The following STPG2 variants were observed in gnomAD, a reference collection of about 807,000 sequenced individuals.
STPG2 encodes sperm-tail PG-rich repeat-containing protein 2.
STPG2 carries 56 observed loss-of-function variants against 54.2 expected under a neutral mutation model. The ratio of observed to expected loss-of-function variants is 1.03; its 90% CI spans 0.83 to 1.29. The LOEUF is 1.29. Among genes scored for constraint, STPG2 ranks in the 50% most tolerant of loss-of-function variants. The probability of loss-of-function intolerance (pLI) is 0.00; values close to 1 mark genes in which losing one functional copy is unlikely to be tolerated. For synonymous variants in STPG2, 200 were observed against 181.8 expected, an observed-to-expected ratio of 1.10 and a Z score of -0.81; for missense variants, 596 against 544.9, an observed-to-expected ratio of 1.09 and a Z score of -0.93.
intron 9 of STPG2, among the ~76,000 whole-genome samples, chr4:97,824,689 T>C (rs1483935498): frequency 1.3e-5 from 2 of 151,610 alleles, no homozygotes; most frequent in African/African-American, 4.9e-5. Context: ...CATGAAATAG[T>C]CAGCCCTAAA....
intron 8 of STPG2, among the ~76,000 whole-genome samples, chr4:97,924,352 C>A (rs780817022): frequency 3.9e-5 from 6 of 152,162 alleles, no homozygotes; most frequent in Admixed American, 1.3e-4. Context: ...TGGAAAATGC[C>A]TTTTCCTCTA....
chr4:97,928,766 A>G (rs1211926501), intron 8 of STPG2, among the ~76,000 whole-genome samples: 1 of 152,222 alleles, frequency 6.6e-6, no homozygotes, highest in Non-Finnish European at 1.5e-5. Flanking sequence ...TATGGAACAT[A>G]TACTATCTCC....
intron 10 of STPG2, among the ~76,000 whole-genome samples, chr4:97,664,652 C>G (rs1161433161): frequency 6.6e-6 from 1 of 151,782 alleles, no homozygotes; most frequent in African/African-American, 2.4e-5. Context: ...CCACAGTTTT[C>G]AATTGTGTAT....
chr4:97,911,623 G>T (rs750155103), intron 8 of STPG2, among the ~76,000 whole-genome samples: 41 of 152,192 alleles, frequency 2.7e-4, no homozygotes, highest in Admixed American at 5.2e-4. Context: ...CTCCTCACCA[G>T]GCAAGTCCTT....
At chr4:97,943,566 T>C (rs989865818) in intron 8 of STPG2, among the ~76,000 whole-genome samples, 1 of 152,266 alleles carries the variant, frequency 6.6e-6, no homozygotes, top group Non-Finnish European at 1.5e-5. Flanking sequence ...GAGAAAACAT[T>C]TGCACTATGA....
chr4:97,726,842 TACAC>T (rs375476697), intron 9 of STPG2, among the ~76,000 whole-genome samples: 7 of 149,284 alleles, frequency 4.7e-5, no homozygotes, highest in Admixed American at 1.3e-4. Flanking sequence ...AATACAAACA[TACAC>T]ACACACACAC....
chr4:97,996,948 C>G (rs1343110326), intron 5 of STPG2, among the ~76,000 whole-genome samples: 3 of 152,124 alleles, frequency 2.0e-5, no homozygotes, highest in Non-Finnish European at 2.9e-5. Flanking sequence ...CAGATGCAGG[C>G]AAGGTGGCAG....
At chr4:97,462,951 T>C (rs1330852313) in intron 4 of STPG2, among the ~76,000 whole-genome samples, 1 of 152,146 alleles carries the variant, frequency 6.6e-6, no homozygotes, top group African/African-American at 2.4e-5. Flanking sequence ...ATTATGATTT[T>C]TAAAAATTTC....
chr4:97,901,473 A>C (rs1231992507), intron 8 of STPG2, among the ~76,000 whole-genome samples: 2 of 152,018 alleles, frequency 1.3e-5, no homozygotes, highest in African/African-American at 4.8e-5. Flanking sequence ...AGTTACAACT[A>C]ATAATACAGT....
chr4:97,604,806 T>C (rs1733553299), intron 10 of STPG2, among the ~76,000 whole-genome samples: 1 of 151,790 alleles, frequency 6.6e-6, no homozygotes, highest in Non-Finnish European at 1.5e-5. Context: ...CCAAACATAC[T>C]AAGTATCTGA....
intron 8 of STPG2, among the ~76,000 whole-genome samples, chr4:97,899,933 A>G (rs2149184624): frequency 6.6e-6 from 1 of 151,458 alleles, no homozygotes; most frequent in Admixed American, 6.6e-5. Context: ...TGACAAAGAT[A>G]CTGAAAGCAA....
chr4:98,036,127 CA>C (rs1560648572), intron 5 of STPG2, among the ~76,000 whole-genome samples: 1 of 151,178 alleles, frequency 6.6e-6, no homozygotes, highest in Non-Finnish European at 1.5e-5. Flanking sequence ...ACACAATACT[CA>C]AAAAAAGAGA....
intron 10 of STPG2, among the ~76,000 whole-genome samples, chr4:97,564,765 A>G (rs1227517296): frequency 2.0e-5 from 3 of 151,910 alleles, no homozygotes; most frequent in Non-Finnish European, 4.4e-5. Flanking sequence ...AGTGGCCCTC[A>G]CTCTCTACTG....
At chr4:98,013,045 G>A (rs1735807490) in intron 5 of STPG2, among the ~76,000 whole-genome samples, 2 of 152,152 alleles carry the variant, frequency 1.3e-5, no homozygotes, top group Non-Finnish European at 2.9e-5. Context: ...TAAAGGGAAT[G>A]CCTCCAACTT....
intron 10 of STPG2, among the ~76,000 whole-genome samples, chr4:97,687,604 T>C (rs767085889): frequency 3.3e-5 from 5 of 152,148 alleles, no homozygotes; most frequent in Non-Finnish European, 7.3e-5. Context: ...CCTCCCAAAG[T>C]GCTGGGATTA....
At chr4:98,073,657 G>A (rs1738073655) in intron 5 of STPG2, among the ~76,000 whole-genome samples, 1 of 152,116 alleles carries the variant, frequency 6.6e-6, no homozygotes. Flanking sequence ...AATCTGGAAG[G>A]CGGAGGCTGC....
rs190240447 is a variant in STPG2 at position 97,917,712 on chromosome 4, A to G, written c.1044+26185T>C. Among the ~76,000 whole-genome samples the G allele has an allele frequency of 2.5e-3, 385 of 152,322 alleles. 3 individuals carry two copies. Among genetic ancestry groups the G allele is most frequent in the African/African-American group, 8.7e-3 (361 of 41,572 alleles). The stretch of plus-strand genomic sequence containing the variant: ...ATAACCTCAAAGAGCTGTTAATCTC[A>G]TAAACTCTGGGGACAAAAGCACACT... On this transcript the variant is annotated intron_variant, in intron 8 of 10. Transcript: ENST00000295268.
chr4:97,500,409 A>C (rs1195240972), intron 4 of STPG2, among the ~76,000 whole-genome samples: 2 of 152,068 alleles, frequency 1.3e-5, no homozygotes, highest in Non-Finnish European at 2.9e-5. Context: ...TGGATATGTA[A>C]ATTTTGAAAT....
rs186820240 is a variant in STPG2, at chr4:97,830,302, T to A, written c.1204+10471A>T. ...TTTCATAAGCAAAAGAGAAATAAAA[T>A]CCATTAAAGACAATCAAATGCGGAG... On this transcript the variant is annotated intron_variant, in intron 9 of 10. Coordinates refer to ENST00000295268, the MANE Select transcript of STPG2 (RefSeq NM_174952.3). Among the ~76,000 whole-genome samples the A allele has an allele frequency of 1.2e-3, 186 of 152,138 alleles. 4 individuals are homozygous for A. The highest frequency in any genetic ancestry group is 0.012 in the East Asian group (60 of 5,172).
Sources: allele counts gnomAD v4.1 joint callset (sites outside exome capture counted in the v4.1 genomes callset), GRCh38; gene constraint gnomAD v4.1.1; transcripts MANE v1.5; gene names NCBI Gene and HGNC (gene_info 2026-07-23, HGNC 2026-07-21).